The following PDLIM5 variants were observed in gnomAD, a reference collection of about 807,000 sequenced individuals.
The protein encoded by PDLIM5 is PDZ and LIM domain protein 5.
In PDLIM5, 34 loss-of-function variants were observed where a neutral mutation model predicts 64.2. The ratio of observed to expected loss-of-function variants is 0.53; its 90% CI spans 0.40 to 0.71. The LOEUF is 0.71. PDLIM5 is among the 30% of genes least tolerant of loss of function. The pLI, the probability that PDLIM5 is intolerant of heterozygous loss-of-function variation, is 0.00. For missense variants in PDLIM5, 683 were observed against 733.6 expected (o/e 0.93, Z 0.80); for synonymous variants, 253 against 269.1 (o/e 0.94, Z 0.59).
intron 7 of PDLIM5, among the ~76,000 whole-genome samples, chr4:94,601,304 T>C (rs1232658997): frequency 6.6e-6 from 1 of 152,186 alleles, no homozygotes; most frequent in Non-Finnish European, 1.5e-5. Flanking sequence ...GTATCTCTTA[T>C]AAGGGACCCC....
intron 8 of PDLIM5, among the ~76,000 whole-genome samples, chr4:94,634,822 C>T (rs929351726): frequency 6.6e-6 from 1 of 152,194 alleles, no homozygotes; most frequent in East Asian, 1.9e-4. Context: ...AAAATTCACA[C>T]GTACTACCGG....
At chr4:94,563,764 T>C (rs1734038587) in intron 3 of PDLIM5, among the ~76,000 whole-genome samples, 1 of 152,088 alleles carries the variant, frequency 6.6e-6, no homozygotes, top group Non-Finnish European at 1.5e-5. Flanking sequence ...AGATATTTTG[T>C]TGTTTTCTAT....
chr4:94,482,345 T>TC (rs1388466831), intron 2 of PDLIM5, among the ~76,000 whole-genome samples: 4 of 152,108 alleles, frequency 2.6e-5, no homozygotes, highest in East Asian at 3.9e-4. Context: ...CAATTTTGGT[T>TC]AAGTTTAAGA....
At chr4:94,540,377 C>T (rs909672535) in intron 3 of PDLIM5, among the ~76,000 whole-genome samples, 4 of 152,330 alleles carry the variant, frequency 2.6e-5, no homozygotes, top group Middle Eastern at 3.4e-3. Flanking sequence ...CTCGGCCTCC[C>T]GAAGTGCTTG....
Position 94,494,432 on chromosome 4 carries a change from G to GGTTT in PDLIM5, c.97-29292_97-29291insGTTT, listed in dbSNP as rs1553940971. ...AGCATTCACTAATTTTTTTTTTCTT[G>GGTTT]TTTTTTTTTTTTTTTTTTTTTTTTG... is the stretch of plus-strand genomic sequence containing the variant. On this transcript the variant is annotated intron_variant, in intron 2 of 12. Transcript: ENST00000317968. Among the ~76,000 whole-genome samples the GGTTT allele has an allele frequency of 1.1e-4, 8 of 70,768 alleles. 1 individual carries two copies. Among genetic ancestry groups the GGTTT allele is most frequent in the Admixed American group, 4.8e-4 (2 of 4,156 alleles). 46.4% of individuals were successfully genotyped at this position (70,768 alleles called of 152,430 possible).
At chr4:94,538,475 T>C (rs183676620) in intron 3 of PDLIM5, among the ~76,000 whole-genome samples, 1 of 152,282 alleles carries the variant, frequency 6.6e-6, no homozygotes, top group African/African-American at 2.4e-5. Flanking sequence ...ATTGGAGTAG[T>C]GTGGTGGAGG....
chr4:94,558,909 G>C, intron 3 of PDLIM5, among the ~76,000 whole-genome samples: 1 of 151,788 alleles, frequency 6.6e-6, no homozygotes, highest in African/African-American at 2.4e-5. Context: ...ACCATGTGTT[G>C]GGTTACCTTT....
chr4:94,598,051 T>C (rs537970848), intron 7 of PDLIM5, among the ~76,000 whole-genome samples: 1 of 152,320 alleles, frequency 6.6e-6, no homozygotes, highest in African/African-American at 2.4e-5. Flanking sequence ...TTGATAAGTA[T>C]GTTTTTAAAT....
intron 8 of PDLIM5, among the ~76,000 whole-genome samples, chr4:94,635,429 C>T (rs545859190): frequency 4.6e-5 from 7 of 151,968 alleles, no homozygotes; most frequent in East Asian, 1.9e-4. Flanking sequence ...GCTGATTCAA[C>T]GCTCCTGTTT....
At chr4:94,646,525 T>A (rs1741424624) in intron 9 of PDLIM5, among the ~76,000 whole-genome samples, 1 of 152,166 alleles carries the variant, frequency 6.6e-6, no homozygotes, top group Non-Finnish European at 1.5e-5. Context: ...CTAATTCAGT[T>A]TATAGTCTAA....
At chr4:94,482,207 TC>T (rs1725929358) in intron 2 of PDLIM5, among the ~76,000 whole-genome samples, 1 of 151,946 alleles carries the variant, frequency 6.6e-6, no homozygotes, top group Non-Finnish European at 1.5e-5. Flanking sequence ...TCTTGTTCTG[TC>T]ACCCAGGCTA....
intron 9 of PDLIM5, among the ~76,000 whole-genome samples, chr4:94,647,531 C>T (rs1741511637): frequency 6.6e-6 from 1 of 151,962 alleles, no homozygotes; most frequent in African/African-American, 2.4e-5. Context: ...GTAATATATA[C>T]AATTCAATAA....
At chr4:94,542,646 G>A (rs1209455170) in intron 3 of PDLIM5, among the ~76,000 whole-genome samples, 3 of 152,062 alleles carry the variant, frequency 2.0e-5, no homozygotes, top group Admixed American at 1.3e-4. Flanking sequence ...TCCTACACAA[G>A]CAATATTTCA....
rs1037619078 is a variant in PDLIM5, at chr4:94,461,933, C to T, written c.96+6549C>T. On this transcript the variant is annotated intron_variant, in intron 2 of 12. Coordinates refer to ENST00000317968, the MANE Select transcript of PDLIM5 (RefSeq NM_006457.5). ...AGGCGGGAGTGCAGTGGCGCGATCTCGGCTCACTGCAACCTCCACCTCCTG... is the reference window on the plus strand; with the variant it reads ...AGGCGGGAGTGCAGTGGCGCGATCTTGGCTCACTGCAACCTCCACCTCCTG... 5.3e-5 allele frequency among the ~76,000 whole-genome samples: 8 copies of T among 152,288 alleles called. No individual in the cohort carries two copies. In the South Asian group the frequency reaches 8.3e-4, roughly 16 times the overall value.
chr4:94,665,565 AC>A lies in PDLIM5; in HGVS notation c.*1504del, dbSNP rs201923550. The A allele has an allele frequency of 0.028, 25,798 of 913,560 alleles. 491 individuals carry two copies. The highest frequency in any genetic ancestry group is 0.03 in the South Asian group (609 of 20,306). The allele number at this position is 913,560 out of a possible 1,614,324, so 56.6% of individuals were successfully genotyped here. A position where few individuals can be genotyped will look rare whatever the true frequency, so the allele number is the denominator to read the frequency against. On this transcript the variant is annotated 3_prime_UTR_variant, in exon 13 of 13. Coordinates refer to ENST00000317968, the MANE Select transcript of PDLIM5 (RefSeq NM_006457.5). ...TGGGAATTGTGAATCAGAAGATTATACCCCCCAATTGTTTTTCAATCCCCTT... is the reference window on the plus strand; with the variant it reads ...TGGGAATTGTGAATCAGAAGATTATACCCCCAATTGTTTTTCAATCCCCTT...
rs114713699 is a variant in PDLIM5, at chr4:94,662,506, A to G, written c.1670A>G (p.Tyr557Cys). The part of the protein sequence containing the change: ...AGDMFLEALG[Y>C]TWHDTCFVCS... ...GACATGTTCCTGGAAGCTCTGGGCT[A>G]CACCTGGCATGACACTTGCTTTGTA... Residue 557 changes from tyrosine to cysteine, a missense_variant, in exon 12 of 13, where the codon TAC becomes TGC. Transcript: ENST00000317968. 3.1e-3 allele frequency: 4,947 copies of G among 1,601,464 alleles called. 18 individuals are homozygous for G. The highest frequency in any genetic ancestry group is 3.6e-3 in the Non-Finnish European group (4,158 of 1,168,468).
At position 94,563,010 on chromosome 4, in the gene PDLIM5, CTTCTA is replaced by C. The variant is rs1207335603; in HGVS notation, c.249-10338_249-10334del. On this transcript the variant is annotated intron_variant, in intron 3 of 12. Coordinates refer to ENST00000317968, the MANE Select transcript of PDLIM5 (RefSeq NM_006457.5). ...TTATCAATCAGTAATATAAACAAGT[CTTCTA>C]TTATAAGCAAAATTCAGTTTTCTAT... Among the ~76,000 whole-genome samples, 5 of 151,978 alleles carry C rather than the reference CTTCTA, an allele frequency of 3.3e-5. No individual in the cohort carries two copies. The East Asian group carries it at 9.6e-4, about 29-fold the overall frequency.
chr4:94,462,647 G>A (rs1028801051), intron 2 of PDLIM5, among the ~76,000 whole-genome samples: 1 of 152,170 alleles, frequency 6.6e-6, no homozygotes, highest in East Asian at 1.9e-4. Context: ...ATGTGTATAT[G>A]TTTGTATATT....
At chr4:94,528,705 T>C (rs1560680120) in intron 3 of PDLIM5, among the ~76,000 whole-genome samples, 1 of 152,158 alleles carries the variant, frequency 6.6e-6, no homozygotes, top group Non-Finnish European at 1.5e-5. Context: ...GCTTTCATAG[T>C]ACTGACATTT....
Sources: gnomAD v4.1 joint callset for allele counts (sites outside exome capture counted in the v4.1 genomes callset) on GRCh38, gnomAD v4.1.1 for gene constraint, MANE v1.5 for transcripts, NCBI Gene and HGNC (gene_info 2026-07-23, HGNC 2026-07-21) for gene names.